IMPG1: variants seen among roughly 807,000 people sequenced by gnomAD.
IMPG1 encodes interphotoreceptor matrix proteoglycan of 150 kDa.
In IMPG1, 85 loss-of-function variants were observed where a neutral mutation model predicts 92.0. The ratio of observed to expected loss-of-function variants is 0.92; its 90% CI spans 0.78 to 1.11. The LOEUF is 1.11. Among genes scored for constraint, IMPG1 ranks in the 50% least tolerant of loss-of-function variants. The pLI is 0.00. For missense variants in IMPG1, 1,022 were observed against 956.0 expected, an observed-to-expected ratio of 1.07 and a Z score of -0.91; for synonymous variants, 367 against 334.1, an observed-to-expected ratio of 1.10 and a Z score of -1.08.
intron 1 of IMPG1, among the ~76,000 whole-genome samples, chr6:76,047,811 C>A (rs1474826000): frequency 6.6e-6 from 1 of 152,156 alleles, no homozygotes. Flanking sequence ...TCCATTATTG[C>A]AACTCCTCTT....
chr6:76,066,391 C>A (rs958701424), intron 1 of IMPG1, among the ~76,000 whole-genome samples: 18 of 151,894 alleles, frequency 1.2e-4, no homozygotes, highest in Admixed American at 6.6e-4. Context: ...AAACAGAAAC[C>A]AAAAGTGGGA....
At chr6:75,987,007 G>T (rs1782727910) in intron 12 of IMPG1, among the ~76,000 whole-genome samples, 1 of 152,010 alleles carries the variant, frequency 6.6e-6, no homozygotes, top group East Asian at 1.9e-4. Context: ...TTTTTCTTTT[G>T]TTTTTAGCCT....
chr6:76,035,684 T>C (rs1267605051), intron 2 of IMPG1, among the ~76,000 whole-genome samples: 3 of 152,202 alleles, frequency 2.0e-5, no homozygotes, highest in African/African-American at 7.2e-5. Context: ...CATTTTCCTG[T>C]GCAGGCTTTC....
At chr6:76,006,796 G>T (rs1783106872) in intron 9 of IMPG1, among the ~76,000 whole-genome samples, 1 of 151,832 alleles carries the variant, frequency 6.6e-6, no homozygotes, top group Admixed American at 6.6e-5. Flanking sequence ...AAGCTTTTTT[G>T]CATGCAAAAA....
At chr6:76,034,852 T>G in intron 2 of IMPG1, 65 bp from the exon 3 acceptor site, 1 of 1,363,040 alleles carries the variant, frequency 7.3e-7, no homozygotes, top group Non-Finnish European at 1.0e-6. Flanking sequence ...CCAAGCAAAG[T>G]CTAATAACAT....
At position 75,950,612 on chromosome 6, in the gene IMPG1, T is replaced by C. The variant is rs1269151641; in HGVS notation, c.1774A>G (p.Asn592Asp). The change falls in exon 13 of 17, where the codon AAC (asparagine) becomes GAC (aspartate). Residue 592 changes from asparagine (N) to aspartate (D), a missense_variant. This residue lies in a region of IMPG1 where 332 missense variants were observed against 346.2 expected (regional missense o/e 0.96). Coordinates refer to ENST00000369950, the MANE Select transcript of IMPG1 (RefSeq NM_001563.4). ...ANMAFSNDLFNKSSLEYRALE... is the reference protein window; with the variant it reads ...ANMAFSNDLFDKSSLEYRALE... ...GCTCGGTACTCCAGAGAGCTCTTGT[T>C]GAACAGGTCGTTGGAGAAGGCCATG... The C allele has an allele frequency of 2.5e-6, 4 of 1,613,626 alleles. No homozygotes were observed. Among genetic ancestry groups the C allele is most frequent in the African/African-American group, 1.3e-5 (1 of 74,924 alleles).
intron 4 of IMPG1, among the ~76,000 whole-genome samples, chr6:76,032,178 A>G (rs993530624): frequency 9.9e-5 from 15 of 152,144 alleles, no homozygotes; most frequent in African/African-American, 3.4e-4. Flanking sequence ...GAGTAGATGA[A>G]ATGCTTCTAT....
intron 8 of IMPG1, among the ~76,000 whole-genome samples, chr6:76,009,724 A>G (rs1293940740): frequency 6.6e-6 from 1 of 152,258 alleles, no homozygotes; most frequent in Non-Finnish European, 1.5e-5. Context: ...GTCAAGAGAT[A>G]TATCTTTAAA....
At chr6:76,024,063 T>G (rs1783480904) in intron 5 of IMPG1, among the ~76,000 whole-genome samples, 1 of 152,148 alleles carries the variant, frequency 6.6e-6, no homozygotes, top group Admixed American at 6.5e-5. Flanking sequence ...TAGCTCTTCT[T>G]TTTATTGTTA....
chr6:76,018,687 A>G (rs762766401), intron 7 of IMPG1, 31 bp downstream of exon 7: 2 of 1,602,312 alleles, frequency 1.2e-6, no homozygotes, highest in Non-Finnish European at 1.7e-6. Flanking sequence ...TCACAGCTTG[A>G]GGTGTGGTTG....
chr6:76,016,213 C>T (rs1328246174), intron 7 of IMPG1, among the ~76,000 whole-genome samples: 1 of 152,172 alleles, frequency 6.6e-6, no homozygotes, highest in Non-Finnish European at 1.5e-5. Flanking sequence ...CCAGGGATCT[C>T]CAATTTCTCA....
intron 14 of IMPG1, among the ~76,000 whole-genome samples, chr6:75,941,571 C>G (rs926996856): frequency 6.6e-6 from 1 of 152,162 alleles, no homozygotes; most frequent in African/African-American, 2.4e-5. Context: ...TACTGTTTGG[C>G]TTTTAAAGAA....
chr6:75,963,708 T>C (rs1782248581), intron 12 of IMPG1, among the ~76,000 whole-genome samples: 1 of 152,178 alleles, frequency 6.6e-6, no homozygotes, highest in Non-Finnish European at 1.5e-5. Flanking sequence ...CATTTTTAAC[T>C]TACCCTGTTA....
intron 1 of IMPG1, among the ~76,000 whole-genome samples, chr6:76,050,915 C>T (rs181842408): frequency 1.3e-5 from 2 of 152,114 alleles, no homozygotes; most frequent in Admixed American, 6.5e-5. Flanking sequence ...AAAGCAACAG[C>T]CATTGGTATA....
chr6:75,986,826 CA>C (rs149095287), intron 12 of IMPG1, among the ~76,000 whole-genome samples: 1,741 of 151,970 alleles, frequency 0.011, 34 homozygotes, highest in African/African-American at 0.04. Context: ...AACTTAAAAG[CA>C]AAAAGAAAAC....
chr6:75,961,004 A>G (rs1320401131), intron 12 of IMPG1, among the ~76,000 whole-genome samples: 3 of 152,214 alleles, frequency 2.0e-5, no homozygotes, highest in East Asian at 1.9e-4. Context: ...AGGCAAGGCC[A>G]CAAATGATAT....
intron 8 of IMPG1, among the ~76,000 whole-genome samples, chr6:76,007,818 G>T (rs140366011): frequency 3.3e-5 from 5 of 152,178 alleles, no homozygotes; most frequent in Admixed American, 6.6e-5. Flanking sequence ...ATCTAAAAAG[G>T]CTGGAAATCT....
chr6:75,965,809 G>A (rs542681354), intron 12 of IMPG1, among the ~76,000 whole-genome samples: 3 of 151,736 alleles, frequency 2.0e-5, no homozygotes, highest in Admixed American at 1.3e-4. Flanking sequence ...GGGTTTCACC[G>A]TGTTAGCCAG....
intron 12 of IMPG1, among the ~76,000 whole-genome samples, chr6:75,951,808 A>G (rs1024530429): frequency 6.6e-6 from 1 of 152,128 alleles, no homozygotes; most frequent in Non-Finnish European, 1.5e-5. Flanking sequence ...TGGGTGTAGT[A>G]GTACACGCCT....
Sources: allele counts gnomAD v4.1 joint callset (sites outside exome capture counted in the v4.1 genomes callset), GRCh38; gene constraint gnomAD v4.1.1; regional missense constraint gnomAD v4.1.1; transcripts MANE v1.5; gene names NCBI Gene and HGNC (gene_info 2026-07-23, HGNC 2026-07-21).